WWP2: variants seen among roughly 807,000 people sequenced by gnomAD.
The protein encoded by WWP2 is WW domain containing E3 ubiquitin protein ligase 2, also known as NEDD4-like E3 ubiquitin-protein ligase WWP2.
WWP2 carries 57 observed loss-of-function variants against 121.0 expected under a neutral mutation model. The ratio of observed to expected loss-of-function variants is 0.47; its 90% CI spans 0.38 to 0.59. The LOEUF is 0.59. Among genes scored for constraint, WWP2 ranks in the 20% least tolerant of loss-of-function variants. WWP2 has a pLI of 0.00. For synonymous variants in WWP2, 449 were observed against 441.3 expected (o/e 1.02, Z -0.22); for missense variants, 962 against 1,158.9 (o/e 0.83, Z 2.47).
intron 12 of WWP2, 134 bp from the exon 13 acceptor site, chr16:69,929,996 C>A: frequency 2.2e-6 from 3 of 1,354,632 alleles, no homozygotes; most frequent in Non-Finnish European, 3.0e-6. Context: ...TTGGGTCATG[C>A]TTCTTGGGTG....
At chr16:69,918,714 C>G (rs2058511304) in intron 10 of WWP2, among the ~76,000 whole-genome samples, 1 of 152,216 alleles carries the variant, frequency 6.6e-6, no homozygotes, top group Admixed American at 6.5e-5. Context: ...TCTCTCTCTT[C>G]CAATCCATCT....
chr16:69,874,672 T>C (rs2057704468), intron 7 of WWP2, among the ~76,000 whole-genome samples: 1 of 152,110 alleles, frequency 6.6e-6, no homozygotes, highest in South Asian at 2.1e-4. Context: ...GAGACTTGTA[T>C]GGGATGATTT....
At chr16:69,820,193 A>G (rs1232286799) in intron 4 of WWP2, among the ~76,000 whole-genome samples, 1 of 152,108 alleles carries the variant, frequency 6.6e-6, no homozygotes, top group Non-Finnish European at 1.5e-5. Context: ...TGATCATGCC[A>G]CTGTACTCCA....
At chr16:69,893,114 G>C (rs2058054638) in intron 8 of WWP2, among the ~76,000 whole-genome samples, 1 of 152,128 alleles carries the variant, frequency 6.6e-6, no homozygotes, top group African/African-American at 2.4e-5. Flanking sequence ...AACCTTCCTT[G>C]CCATCTTGTC....
At chr16:69,863,889 G>C (rs2057472089) in intron 6 of WWP2, among the ~76,000 whole-genome samples, 1 of 152,192 alleles carries the variant, frequency 6.6e-6, no homozygotes, top group African/African-American at 2.4e-5. Flanking sequence ...GCATGTACCA[G>C]CACTTTATTC....
At chr16:69,834,041 G>A (rs1160540751) in intron 4 of WWP2, among the ~76,000 whole-genome samples, 1 of 152,172 alleles carries the variant, frequency 6.6e-6, no homozygotes, top group Non-Finnish European at 1.5e-5. Flanking sequence ...CCTCCTACCT[G>A]GTCTTGTGTA....
At chr16:69,877,806 T>A (rs186820590) in intron 7 of WWP2, among the ~76,000 whole-genome samples, 1 of 152,162 alleles carries the variant, frequency 6.6e-6, no homozygotes, top group Non-Finnish European at 1.5e-5. Context: ...ATTTGCTTTT[T>A]ATTTATTTAT....
chr16:69,870,686 G>T (rs989649900), intron 6 of WWP2, among the ~76,000 whole-genome samples: 3 of 152,152 alleles, frequency 2.0e-5, no homozygotes, highest in Non-Finnish European at 2.9e-5. Flanking sequence ...CTGGAGAGGG[G>T]TGATCTTTTC....
At chr16:69,904,377 CTTT>C (rs538245676) in intron 8 of WWP2, among the ~76,000 whole-genome samples, 5 of 137,326 alleles carry the variant, frequency 3.6e-5, no homozygotes, top group Non-Finnish European at 1.6e-5. Flanking sequence ...TGCGCATTTT[CTTT>C]TTTTTTTTTT....
intron 10 of WWP2, among the ~76,000 whole-genome samples, chr16:69,920,660 C>G (rs996399492): frequency 1.3e-5 from 2 of 151,962 alleles, no homozygotes; most frequent in African/African-American, 4.8e-5. Context: ...TGGTGCACAC[C>G]TGTAATTCCA....
chr16:69,893,921 C>T (rs150747884), intron 8 of WWP2, among the ~76,000 whole-genome samples: 21 of 152,332 alleles, frequency 1.4e-4, no homozygotes, highest in South Asian at 1.2e-3. Context: ...CTCCTCTTCA[C>T]TGAGGCATTT....
chr16:69,869,248 A>G lies in WWP2; in HGVS notation c.576-2556A>G, dbSNP rs554896104. Among the ~76,000 whole-genome samples, 9 of 152,216 alleles carry G rather than the reference A, an allele frequency of 5.9e-5. No homozygotes were observed. The South Asian group carries it at 1.9e-3, about 32-fold the overall frequency. On this transcript the variant is annotated intron_variant, in intron 6 of 23. Coordinates refer to ENST00000359154, the MANE Select transcript of WWP2 (RefSeq NM_001270454.2). The stretch of plus-strand genomic sequence containing the variant: ...AAGTTAAGGTGGAAAAAGAGAGTCC[A>G]CATTGAGTATTTCCACAGTTCAGTC...
chr16:69,853,641 C>T (rs546184765), intron 6 of WWP2, among the ~76,000 whole-genome samples: 16 of 152,184 alleles, frequency 1.1e-4, no homozygotes, highest in African/African-American at 3.9e-4. Context: ...CAGGGACTGA[C>T]GAAGAGGACT....
chr16:69,828,455 C>T (rs1411497557), intron 4 of WWP2, among the ~76,000 whole-genome samples: 1 of 152,232 alleles, frequency 6.6e-6, no homozygotes, highest in African/African-American at 2.4e-5. Flanking sequence ...CAACCTCTGC[C>T]TCCCTAGTTC....
chr16:69,797,859 G>C (rs2056080098), intron 2 of WWP2, among the ~76,000 whole-genome samples: 1 of 151,490 alleles, frequency 6.6e-6, no homozygotes, highest in African/African-American at 2.4e-5. Flanking sequence ...TTACACTCCA[G>C]CCTGGGCAAC....
intron 2 of WWP2, among the ~76,000 whole-genome samples, chr16:69,796,288 C>T (rs984736244): frequency 6.6e-6 from 1 of 152,144 alleles, no homozygotes; most frequent in East Asian, 1.9e-4. Flanking sequence ...AGTGGGGTTA[C>T]GTCCTGAAAA....
At position 69,845,981 on chromosome 16, in the gene WWP2, C is replaced by T. The variant is rs576301494; in HGVS notation, c.575+3861C>T. Among the ~76,000 whole-genome samples, 9 of 127,434 alleles carry T rather than the reference C, an allele frequency of 7.1e-5. No individual in the cohort carries two copies. In the East Asian group the frequency reaches 2.1e-3, roughly 30 times the overall value. The allele number at this position is 127,434 out of a possible 152,430, so 83.6% of individuals were successfully genotyped here. A position where few individuals can be genotyped will look rare whatever the true frequency, so the allele number is the denominator to read the frequency against. On this transcript the variant is annotated intron_variant, in intron 6 of 23. Transcript: ENST00000359154. ...AGGAGAATTGCCTGAACCTGGGAGGCGGAGGTTGCAGTGAGCTGAGATCTA... is the reference window on the plus strand; with the variant it reads ...AGGAGAATTGCCTGAACCTGGGAGGTGGAGGTTGCAGTGAGCTGAGATCTA...
intron 4 of WWP2, chr16:69,827,859 A>C (rs1432032007): frequency 2.2e-6 from 1 of 455,340 alleles, no homozygotes. Context: ...TATTCTAAAG[A>C]CTTAACCTTC....
Position 69,801,242 on chromosome 16 carries a change from A to T in WWP2, c.340+1947A>T, listed in dbSNP as rs185799348. Among the ~76,000 whole-genome samples the T allele has an allele frequency of 1.4e-3, 204 of 146,232 alleles. 2 individuals carry two copies. The highest frequency in any genetic ancestry group is 3.9e-3 in the African/African-American group (156 of 40,234). On this transcript the variant is annotated intron_variant, in intron 4 of 23. Coordinates refer to ENST00000359154, the MANE Select transcript of WWP2 (RefSeq NM_001270454.2). ...TTAATTTTTATTTTTATATATATAT[A>T]TTTTTTGAGACAGGTTTCTCACTTT... is the stretch of plus-strand genomic sequence containing the variant.
Sources: gnomAD v4.1 joint callset for allele counts (sites outside exome capture counted in the v4.1 genomes callset) on GRCh38, gnomAD v4.1.1 for gene constraint, MANE v1.5 for transcripts, NCBI Gene and HGNC (gene_info 2026-07-23, HGNC 2026-07-21) for gene names.